DHX15: variants seen among roughly 807,000 people sequenced by gnomAD.
The protein encoded by DHX15 is DEAH-box helicase 15.
DHX15 carries 11 observed loss-of-function variants against 94.4 expected under a neutral mutation model. That is an observed-to-expected ratio of 0.12 (90% CI 0.07 to 0.19). The LOEUF (loss-of-function observed/expected upper bound fraction) is 0.19, where lower values mean the gene tolerates loss of function less well. Ranked by LOEUF, DHX15 falls within the 10% of genes least tolerant of loss-of-function variation. The pLI is 1.00. For synonymous variants in DHX15, 338 were observed against 329.9 expected (o/e 1.02, Z -0.27); for missense variants, 304 against 988.5 (o/e 0.31, Z 9.29).
chr4:24,553,190 G>A (rs188162273), intron 5 of DHX15, among the ~76,000 whole-genome samples: 2 of 152,126 alleles, frequency 1.3e-5, no homozygotes, highest in African/African-American at 4.8e-5. Context: ...GCATGGTGGC[G>A]CATGCCTGTA....
intron 6 of DHX15, among the ~76,000 whole-genome samples, chr4:24,548,309 A>AT (rs1358022221): frequency 6.6e-6 from 1 of 151,252 alleles, no homozygotes; most frequent in Non-Finnish European, 1.5e-5. Context: ...CGCCCGGCTA[A>AT]TTTTTTTGTA....
chr4:24,527,856 C>T lies in DHX15; in HGVS notation c.*68G>A, dbSNP rs1720993748. 6.1e-6 allele frequency: 7 copies of T among 1,156,664 alleles called. No homozygotes were observed. The South Asian group carries it at 9.0e-5, about 15-fold the overall frequency. The allele number at this position is 1,156,664 out of a possible 1,614,324, so 71.7% of individuals were successfully genotyped here. Reference sequence around the variant, plus strand: ...TATCGAACCAACGTGAAGAGCACAACTCGAACTTTTGAGTTCATTCATCTT... The same window carrying T: ...TATCGAACCAACGTGAAGAGCACAATTCGAACTTTTGAGTTCATTCATCTT... On this transcript the variant is annotated 3_prime_UTR_variant, in exon 14 of 14. Coordinates refer to ENST00000336812, the MANE Select transcript of DHX15 (RefSeq NM_001358.3).
At chr4:24,576,148 G>A (rs1302202531) in intron 2 of DHX15, 95 bp downstream of exon 2, 15 of 971,926 alleles carry the variant, frequency 1.5e-5, no homozygotes, top group Non-Finnish European at 2.2e-5. Flanking sequence ...ATGTTCTATA[G>A]GACAGACAAG....
rs1427409667 is a variant in DHX15 at position 24,549,152 on chromosome 4, T to C, written c.1081-130A>G. On this transcript the variant is annotated intron_variant, in intron 5 of 13. Coordinates refer to ENST00000336812, the MANE Select transcript of DHX15 (RefSeq NM_001358.3). ...CTTCATGGATACCCTGTTTTCAATT[T>C]AGTAACCAAAACTAATTTAGCAAAT... The C allele has an allele frequency of 8.5e-6, 6 of 705,104 alleles. No homozygotes were observed. The Admixed American group carries it at 2.1e-4, about 25-fold the overall frequency. 43.7% of individuals were successfully genotyped at this position (705,104 alleles called of 1,614,324 possible).
chr4:24,578,942 A>T (rs973218153), intron 1 of DHX15, among the ~76,000 whole-genome samples: 1 of 152,182 alleles, frequency 6.6e-6, no homozygotes, highest in African/African-American at 2.4e-5. Flanking sequence ...GGGGGAAGAG[A>T]GGTGACAAAG....
At chr4:24,550,241 G>A (rs1721563930) in intron 5 of DHX15, among the ~76,000 whole-genome samples, 1 of 151,678 alleles carries the variant, frequency 6.6e-6, no homozygotes. Context: ...ATTCTGTACA[G>A]AACTGTAGAC....
Position 24,540,178 on chromosome 4 carries a change from T to C in DHX15, c.1716A>G (p.Ala572=). The C allele has an allele frequency of 6.2e-7, 1 of 1,613,462 alleles. No individual in the cohort carries two copies. Among genetic ancestry groups the C allele is most frequent in the Non-Finnish European group, 8.5e-7 (1 of 1,179,560 alleles). The change falls in exon 10 of 14, where the codon GCA becomes GCG. Residue 572 remains alanine (A), a synonymous_variant. Transcript: ENST00000336812. ...AGTCACAACTTGCAATAACCATTTT[T>C]GCGAGCTGTGGATCTAGAGGAAACT... ...MAEFPLDPQL[A]KMVIASCDYN... is the part of the protein sequence containing the mutation.
intron 13 of DHX15, 79 bp from the exon 14 acceptor site, chr4:24,528,120 T>G: frequency 2.1e-6 from 2 of 933,038 alleles, no homozygotes; most frequent in Non-Finnish European, 3.5e-6. Context: ...TAGGCATTAT[T>G]CATTAATATA....
intron 13 of DHX15, among the ~76,000 whole-genome samples, chr4:24,528,297 T>C (rs896878246): frequency 2.6e-5 from 4 of 152,158 alleles, no homozygotes; most frequent in African/African-American, 7.2e-5. Flanking sequence ...CAAGATACAT[T>C]AATGTAAAGA....
intron 3 of DHX15, among the ~76,000 whole-genome samples, chr4:24,559,393 A>G (rs961413721): frequency 2.4e-4 from 36 of 151,748 alleles, no homozygotes; most frequent in Non-Finnish European, 3.5e-4. Context: ...AAAAAAAAAA[A>G]AAAGAAACAG....
At chr4:24,582,059 T>C (rs1023803362) in intron 1 of DHX15, among the ~76,000 whole-genome samples, 3 of 152,168 alleles carry the variant, frequency 2.0e-5, no homozygotes, top group East Asian at 1.9e-4. Context: ...ATAAAACCAC[T>C]TGCTTATCAG....
At chr4:24,528,867 G>A (rs1478058015) in intron 13 of DHX15, among the ~76,000 whole-genome samples, 1 of 150,984 alleles carries the variant, frequency 6.6e-6, no homozygotes, top group African/African-American at 2.4e-5. Flanking sequence ...AATAGTTGAG[G>A]GCTAATTGTA....
chr4:24,529,526 T>C, intron 13 of DHX15, 75 bp downstream of exon 13: 1 of 1,310,422 alleles, frequency 7.6e-7, no homozygotes, highest in South Asian at 1.3e-5. Flanking sequence ...TGCAAGGCCA[T>C]GACTCTAGCA....
intron 3 of DHX15, among the ~76,000 whole-genome samples, chr4:24,566,658 T>C (rs1722000901): frequency 6.6e-6 from 1 of 152,088 alleles, no homozygotes; most frequent in Non-Finnish European, 1.5e-5. Context: ...AAACTCTGTC[T>C]CTACTAAAAA....
chr4:24,536,474 T>G (rs1246353120), intron 11 of DHX15, among the ~76,000 whole-genome samples: 1 of 152,204 alleles, frequency 6.6e-6, no homozygotes, highest in South Asian at 2.1e-4. Flanking sequence ...CTAAGGAATA[T>G]TTTTCAATAT....
intron 3 of DHX15, among the ~76,000 whole-genome samples, chr4:24,567,125 A>G (rs1387263851): frequency 1.3e-5 from 2 of 152,246 alleles, no homozygotes; most frequent in African/African-American, 4.8e-5. Flanking sequence ...CGAAAAAATA[A>G]AAAGGAAGCA....
At position 24,567,501 on chromosome 4, in the gene DHX15, C is replaced by T. The variant is rs187650342; in HGVS notation, c.701+3153G>A. Among the ~76,000 whole-genome samples the T allele has an allele frequency of 1.7e-3, 263 of 151,630 alleles. 2 individuals carry two copies. In the East Asian group the frequency reaches 0.023, roughly 13 times the overall value. On this transcript the variant is annotated intron_variant, in intron 3 of 13. Coordinates refer to ENST00000336812, the MANE Select transcript of DHX15 (RefSeq NM_001358.3). ...CTGAGGCAGGAGAATGGCTTGAACC[C>T]GCGAGGTGGAGGCTGCAGTGAGCCG...
At chr4:24,561,602 T>C (rs1352665327) in intron 3 of DHX15, among the ~76,000 whole-genome samples, 1 of 151,352 alleles carries the variant, frequency 6.6e-6, no homozygotes, top group Non-Finnish European at 1.5e-5. Context: ...ATATACACAA[T>C]GGAATACTAT....
chr4:24,583,626 C>A (rs929164917), intron 1 of DHX15, among the ~76,000 whole-genome samples: 16 of 152,144 alleles, frequency 1.1e-4, no homozygotes, highest in South Asian at 2.1e-4. Flanking sequence ...TGGACCAAGG[C>A]ACGCTCTCTC....
Sources: gnomAD v4.1 joint callset for allele counts (sites outside exome capture counted in the v4.1 genomes callset) on GRCh38, gnomAD v4.1.1 for gene constraint, MANE v1.5 for transcripts, NCBI Gene and HGNC (gene_info 2026-07-23, HGNC 2026-07-21) for gene names.